THSD7B: variants seen among roughly 807,000 people sequenced by gnomAD.
THSD7B encodes the protein thrombospondin type 1 domain containing 7B, also known as thrombospondin type-1 domain-containing protein 7B.
THSD7B carries 138 observed loss-of-function variants against 213.6 expected under a neutral mutation model. The ratio of observed to expected loss-of-function variants is 0.65; its 90% CI spans 0.56 to 0.74. The LOEUF is 0.74. THSD7B is among the 30% of genes least tolerant of loss of function. The probability of loss-of-function intolerance (pLI) is 0.00; values close to 1 mark genes in which losing one functional copy is unlikely to be tolerated. For missense variants in THSD7B, 1,931 were observed against 1,991.5 expected, an observed-to-expected ratio of 0.97 and a Z score of 0.58; for synonymous variants, 742 against 687.0, an observed-to-expected ratio of 1.08 and a Z score of -1.25.
At chr2:137,576,803 C>A (rs992339541) in intron 17 of THSD7B, among the ~76,000 whole-genome samples, 4 of 150,862 alleles carry the variant, frequency 2.7e-5, no homozygotes, top group East Asian at 2.0e-4. Context: ...ACACCCCCCC[C>A]CCTTTTTTTA....
intron 3 of THSD7B, among the ~76,000 whole-genome samples, chr2:137,074,136 T>C (rs1486004854): frequency 6.6e-6 from 1 of 150,868 alleles, no homozygotes; most frequent in African/African-American, 2.5e-5. Flanking sequence ...TTCCTGGATA[T>C]CCTTGTTAAC....
chr2:137,073,032 C>T (rs192643096), intron 3 of THSD7B, among the ~76,000 whole-genome samples: 14,629 of 151,916 alleles, frequency 0.096, 960 homozygotes, highest in African/African-American at 0.19. Context: ...ATTTTTGCAT[C>T]AATGTTCATC....
intron 10 of THSD7B, among the ~76,000 whole-genome samples, chr2:137,270,672 T>C (rs1682711860): frequency 6.6e-6 from 1 of 152,102 alleles, no homozygotes; most frequent in Non-Finnish European, 1.5e-5. Flanking sequence ...AGGAGAAAGC[T>C]CCTCTACCCA....
intron 3 of THSD7B, among the ~76,000 whole-genome samples, chr2:137,092,920 A>G (rs180790622): frequency 3.8e-4 from 58 of 152,268 alleles, no homozygotes; most frequent in Non-Finnish European, 7.5e-4. Flanking sequence ...TTATAGGCGT[A>G]AGCCACTACA....
At chr2:137,517,205 T>C (rs115000526) in intron 15 of THSD7B, among the ~76,000 whole-genome samples, 209 of 152,336 alleles carry the variant, frequency 1.4e-3, no homozygotes, top group African/African-American at 4.7e-3. Flanking sequence ...AGCTCAGGGG[T>C]ATATCAACTC....
chr2:137,659,882 A>G, intron 25 of THSD7B, 136 bp downstream of exon 25: 1 of 656,808 alleles, frequency 1.5e-6, no homozygotes, highest in Non-Finnish European at 2.4e-6. Flanking sequence ...CATTTGCAGG[A>G]GTAATCCCAG....
intron 2 of THSD7B, among the ~76,000 whole-genome samples, chr2:136,890,303 C>G (rs1405499055): frequency 1.9e-4 from 1 of 5,162 alleles, no homozygotes; most frequent in Non-Finnish European, 4.9e-4. Flanking sequence ...ATGTCCTACT[C>G]CTTCTTCTTC....
At chr2:137,457,260 C>T (rs977085838) in intron 15 of THSD7B, among the ~76,000 whole-genome samples, 1 of 152,118 alleles carries the variant, frequency 6.6e-6, no homozygotes, top group African/African-American at 2.4e-5. Flanking sequence ...TGTAGTCTTA[C>T]ATTTTACTAT....
At chr2:137,367,334 G>T (rs57955184) in intron 12 of THSD7B, among the ~76,000 whole-genome samples, 5,508 of 152,172 alleles carry the variant, frequency 0.036, 345 homozygotes, top group African/African-American at 0.13. Context: ...AGGAGAGAGA[G>T]GGCAGAAATC....
In THSD7B at chr2:137,423,621, C is replaced by T. The variant is rs148567702; in HGVS notation, c.2959+11749C>T. On this transcript the variant is annotated intron_variant, in intron 14 of 27. Transcript: ENST00000409968. ...TACTCTGAAAACTTTATTTATTATA[C>T]GCTATAAAACATTGTTGGGGAAGAT... Among the ~76,000 whole-genome samples the T allele has an allele frequency of 5.7e-3, 860 of 151,958 alleles. 6 individuals are homozygous for T. The highest frequency in any genetic ancestry group is 0.019 in the African/African-American group (783 of 41,468).
At position 137,586,695 on chromosome 2, in the gene THSD7B, A is replaced by T. The variant is rs553690736; in HGVS notation, c.3423+14139A>T. On this transcript the variant is annotated intron_variant, in intron 17 of 27. Coordinates refer to ENST00000409968, the MANE Select transcript of THSD7B (RefSeq NM_001316349.2). ...CTCTTCTGGCTTGTAGAGTTTCTGCAGAGAGATCAGCTGTTAGTCTGATGG... is the reference window on the plus strand; with the variant it reads ...CTCTTCTGGCTTGTAGAGTTTCTGCTGAGAGATCAGCTGTTAGTCTGATGG... Among the ~76,000 whole-genome samples the T allele has an allele frequency of 1.3e-3, 205 of 152,274 alleles. 1 individual carries two copies. The highest frequency in any genetic ancestry group is 1.7e-3 in the South Asian group (8 of 4,820).
intron 1 of THSD7B, among the ~76,000 whole-genome samples, chr2:136,795,278 C>A (rs987278246): frequency 6.6e-6 from 1 of 151,854 alleles, no homozygotes; most frequent in African/African-American, 2.4e-5. Flanking sequence ...CTTCTAGAGG[C>A]TCTCCACATT....
chr2:137,108,143 A>G (rs1475948941), intron 4 of THSD7B, among the ~76,000 whole-genome samples: 1 of 152,212 alleles, frequency 6.6e-6, no homozygotes, highest in East Asian at 1.9e-4. Context: ...ATGACCATTA[A>G]CTAATGCAAT....
At chr2:137,657,003 A>T (rs1015905460) in intron 23 of THSD7B, 34 bp downstream of exon 23, 32 of 1,613,448 alleles carry the variant, frequency 2.0e-5, no homozygotes, top group Non-Finnish European at 2.7e-5. Flanking sequence ...TTTAGCCTTC[A>T]TTGATCAATG....
intron 20 of THSD7B, among the ~76,000 whole-genome samples, chr2:137,630,014 T>G (rs1682711596): frequency 6.6e-6 from 1 of 151,796 alleles, no homozygotes; most frequent in Admixed American, 6.6e-5. Context: ...TTTTTCGCGA[T>G]ACAGAATCTT....
At chr2:137,591,314 T>C (rs1401346773) in intron 17 of THSD7B, among the ~76,000 whole-genome samples, 1 of 151,950 alleles carries the variant, frequency 6.6e-6, no homozygotes. Flanking sequence ...ATTTTCTCTT[T>C]AGTAGAATTT....
chr2:136,999,832 T>C (rs1450646658), intron 2 of THSD7B, among the ~76,000 whole-genome samples: 1 of 152,202 alleles, frequency 6.6e-6, no homozygotes. Flanking sequence ...TTTCAAGTTT[T>C]GCTTCAAGGC....
chr2:137,614,368 G>C (rs1041455549), intron 17 of THSD7B, among the ~76,000 whole-genome samples: 1 of 152,096 alleles, frequency 6.6e-6, no homozygotes, highest in Non-Finnish European at 1.5e-5. Context: ...ATAGTAATTT[G>C]ATTGATGTGT....
intron 12 of THSD7B, among the ~76,000 whole-genome samples, chr2:137,393,407 G>A (rs377006969): frequency 0.22 from 31,846 of 147,596 alleles, 3,585 homozygotes; most frequent in South Asian, 0.25. Context: ...GAGAATGTGC[G>A]GTGTTTGGTT....
Sources: allele counts gnomAD v4.1 joint callset (sites outside exome capture counted in the v4.1 genomes callset), GRCh38; gene constraint gnomAD v4.1.1; transcripts MANE v1.5; gene names NCBI Gene and HGNC (gene_info 2026-07-23, HGNC 2026-07-21).